Variants in DNAH2 observed in about 807,000 individuals in gnomAD.
DNAH2 encodes the protein axonemal beta dynein heavy chain 2.
DNAH2 carries 323 observed loss-of-function variants against 523.5 expected under a neutral mutation model. The ratio of observed to expected loss-of-function variants is 0.62; its 90% CI spans 0.56 to 0.68. The LOEUF (loss-of-function observed/expected upper bound fraction) is 0.68. Among genes scored for constraint, DNAH2 ranks in the 30% least tolerant of loss-of-function variants. The pLI is 0.00. For missense variants in DNAH2, 4,907 were observed against 5,701.5 expected (o/e 0.86, Z 4.49); for synonymous variants, 2,093 against 2,177.4 (o/e 0.96, Z 1.08).
chr17:7,819,255 T>C lies in DNAH2; in HGVS notation c.10862T>C (p.Leu3621Pro). 6.2e-7 allele frequency: 1 copy of C among 1,614,168 alleles called. No individual in the cohort carries two copies. The highest frequency in any genetic ancestry group is 1.7e-5 in the Admixed American group (1 of 60,036). Residue 3621 changes from leucine (L) to proline (P), a missense_variant, in exon 72 of 86, where the codon CTC becomes CCC. Leu to Pro is a moderately conservative substitution (Grantham distance 98). Coordinates refer to ENST00000572933, the MANE Select transcript of DNAH2 (RefSeq NM_020877.5). ...CGGGCATCAATCCTGTTCTTCGTGC[T>C]CAATGATATGGGCTGCATCGACCCC... ...AQRASILFFV[L>P]NDMGCIDPMY...
Position 7,819,072 on chromosome 17 carries a change from C to T in DNAH2, c.10815+9C>T. 6.2e-7 allele frequency: 1 copy of T among 1,602,660 alleles called. No individual in the cohort carries two copies. Among genetic ancestry groups the T allele is most frequent in the African/African-American group, 1.3e-5 (1 of 74,878 alleles). ...CTGACTTGGCGCGGGAGGTAAGCTCCCGGCCCTCCAGTCCTGCCTCCCACC... is the reference window on the plus strand; with the variant it reads ...CTGACTTGGCGCGGGAGGTAAGCTCTCGGCCCTCCAGTCCTGCCTCCCACC... On this transcript the variant is annotated intron_variant, in intron 71 of 85. Transcript: ENST00000572933.
intron 2 of DNAH2, among the ~76,000 whole-genome samples, chr17:7,721,591 G>A (rs778438611): frequency 2.3e-4 from 35 of 152,000 alleles, no homozygotes; most frequent in Admixed American, 7.2e-4. Flanking sequence ...ATCTTTTCAC[G>A]CCTTCCTGCC....
intron 7 of DNAH2, among the ~76,000 whole-genome samples, chr17:7,736,033 G>A (rs868269254): frequency 2.2e-4 from 33 of 152,080 alleles, no homozygotes; most frequent in African/African-American, 7.7e-4. Flanking sequence ...GATTACAGGT[G>A]TCAGCCACCT....
rs1433424323 is a variant in DNAH2 at position 7,786,145 on chromosome 17, G to A, written c.6151G>A (p.Glu2051Lys). ...TCAGCTGCGGGAGACCGTTGAGCAG[G>A]AGATTCGAGACATGGGCCTGCAAAG... Reference protein sequence around the residue: ...YGKLRETVEQEIRDMGLQSTP... With the variant: ...YGKLRETVEQKIRDMGLQSTP... The change falls in exon 40 of 86, where the codon GAG becomes AAG. Residue 2051 changes from glutamate (E) to lysine (K), a missense_variant. Glu to Lys is a moderately conservative substitution (Grantham distance 56). Transcript: ENST00000572933. The surrounding 1 kb of genome is among the most constrained non-coding windows in gnomAD (Gnocchi z 7.5). 1 of 1,613,798 alleles carries A rather than the reference G, an allele frequency of 6.2e-7. No homozygotes were observed. Among genetic ancestry groups the A allele is most frequent in the African/African-American group, 1.3e-5 (1 of 74,816 alleles).
chr17:7,765,039 G>A (rs1034462878), intron 20 of DNAH2, among the ~76,000 whole-genome samples: 6 of 151,984 alleles, frequency 3.9e-5, no homozygotes, highest in African/African-American at 1.2e-4. Flanking sequence ...GATCACAGGC[G>A]TGAGCCACCA....
Position 7,761,493 on chromosome 17 carries a change from C to CT in DNAH2, c.2978+574dup, listed in dbSNP as rs535161420. Among the ~76,000 whole-genome samples, 339 of 141,710 alleles carry CT rather than the reference C, an allele frequency of 2.4e-3. 4 individuals are homozygous for CT. The highest frequency in any genetic ancestry group is 0.015 in the South Asian group (68 of 4,400). 93.0% of individuals were successfully genotyped at this position (141,710 alleles called of 152,430 possible). A position where few individuals can be genotyped will look rare whatever the true frequency, so the allele number is the denominator to read the frequency against. ...TATGTTGCCCACTCAGGAAGAAAAT[C>CT]TTTTTTTTTTTTTCAAATATTTTTT... On this transcript the variant is annotated intron_variant, in intron 18 of 85. Coordinates refer to ENST00000572933, the MANE Select transcript of DNAH2 (RefSeq NM_020877.5).
rs1298169602 is a variant in DNAH2, at chr17:7,733,089, C to G, written c.402C>G (p.Thr134=). Residue 134 remains threonine, a splice_region_variant and synonymous_variant, in exon 5 of 86, where the codon ACC becomes ACG. Coordinates refer to ENST00000572933, the MANE Select transcript of DNAH2 (RefSeq NM_020877.5). The stretch of plus-strand genomic sequence containing the variant: ...CTGATCTGCTGTCTTCCATGCAGAC[C>G]CAGAACCAGCTTGTCTACTTCATTC... The part of the protein sequence containing the change: ...LKLELGMPVQ[T]QNQLVYFIRQ... 1.9e-6 allele frequency: 3 copies of G among 1,614,044 alleles called. No individual in the cohort carries two copies. The Admixed American group carries it at 5.0e-5, about 27-fold the overall frequency.
intron 12 of DNAH2, among the ~76,000 whole-genome samples, chr17:7,744,094 C>T (rs948401350): frequency 1.3e-5 from 2 of 151,766 alleles, no homozygotes; most frequent in Admixed American, 1.3e-4. Context: ...AATGTCCATG[C>T]TTGAGCCTGG....
At position 7,793,225 on chromosome 17, in the gene DNAH2, G is replaced by A. The variant is rs753611990; in HGVS notation, c.7569+20G>A. On this transcript the variant is annotated intron_variant, in intron 48 of 85. Transcript: ENST00000572933. The stretch of plus-strand genomic sequence containing the variant: ...ATTCGAGTAAGCCTCGCTAGAGTCT[G>A]TTCTTCAGGCCTCTGCTCCTTCTGG... The A allele has an allele frequency of 1.2e-6, 2 of 1,608,096 alleles. No homozygotes were observed. The highest frequency in any genetic ancestry group is 1.3e-5 in the African/African-American group (1 of 74,944).
rs2151288006 is a variant in DNAH2, at chr17:7,798,473, G to A, written c.8399-85G>A. On this transcript the variant is annotated intron_variant, in intron 54 of 85. Transcript: ENST00000572933. This position sits in a 1 kb window ranked among gnomAD's most constrained non-coding sequence, Gnocchi z 5.5. Reference sequence around the variant, plus strand: ...GTGTCGCGTGTATGCTGCGGGGCGGGGAGGGTTCCTAAATCTCAGAAAAGG... The same window carrying A: ...GTGTCGCGTGTATGCTGCGGGGCGGAGAGGGTTCCTAAATCTCAGAAAAGG... The A allele has an allele frequency of 1.3e-6, 2 of 1,571,658 alleles. No homozygotes were observed. The highest frequency in any genetic ancestry group is 1.7e-6 in the Non-Finnish European group (2 of 1,160,394).
At chr17:7,737,458 T>C (rs1228342206) in intron 8 of DNAH2, among the ~76,000 whole-genome samples, 200 bp downstream of exon 8, 2 of 152,198 alleles carry the variant, frequency 1.3e-5, no homozygotes, top group Non-Finnish European at 2.9e-5. Flanking sequence ...GGCTGGACTT[T>C]CTGTTTCTAG....
At chr17:7,797,642 G>A (rs753776139) in intron 52 of DNAH2, 38 bp from the exon 53 acceptor site, 24 of 1,613,826 alleles carry the variant, frequency 1.5e-5, no homozygotes, top group Non-Finnish European at 2.0e-5. Flanking sequence ...AGGCAAACCA[G>A]GCATTTGTGA....
chr17:7,759,150 G>C (rs1266266177), intron 15 of DNAH2, 26 bp downstream of exon 15: 2 of 1,610,980 alleles, frequency 1.2e-6, no homozygotes, highest in Non-Finnish European at 1.7e-6. Context: ...CCAGGATGTT[G>C]TGGTTGGAAA....
intron 76 of DNAH2, 79 bp downstream of exon 76, chr17:7,824,383 T>C: frequency 6.8e-7 from 1 of 1,475,908 alleles, no homozygotes; most frequent in Non-Finnish European, 9.0e-7. Context: ...ATTACACTAC[T>C]GTCCCTGTAC....
chr17:7,723,801 T>C (rs900273837), intron 3 of DNAH2, 112 bp downstream of exon 3: 14 of 942,662 alleles, frequency 1.5e-5, no homozygotes, highest in Non-Finnish European at 2.0e-5. Context: ...CTTCTTCTAC[T>C]TGCTCTCTGC....
chr17:7,821,364 G>T lies in DNAH2; in HGVS notation c.11137G>T (p.Gly3713Cys). Reference protein sequence around the residue: ...MDEYNFFLRGGVVLDREGQMD... With the variant: ...MDEYNFFLRGCVVLDREGQMD... ...TGAATACAACTTCTTTCTACGTGGG[G>T]GTGTGGTGAGTTGGGCAGAGAGCAC... The change falls in exon 73 of 86, where the codon GGT becomes TGT. Residue 3713 changes from glycine (G) to cysteine (C), a missense_variant. Physicochemically the swap from Gly to Cys is radical, Grantham distance 159. Around this residue, in one of 3 missense-constraint regions of DNAH2, gnomAD observed 1,851 missense variants for 2,139.4 expected, o/e 0.87. Transcript: ENST00000572933. This position sits in a 1 kb window ranked among gnomAD's most constrained non-coding sequence, Gnocchi z 5.0. 6.2e-7 allele frequency: 1 copy of T among 1,612,688 alleles called. No individual in the cohort carries two copies. Among genetic ancestry groups the T allele is most frequent in the East Asian group, 2.2e-5 (1 of 44,838 alleles).
At chr17:7,765,214 CGCA>C (rs1567661688) in intron 20 of DNAH2, among the ~76,000 whole-genome samples, 174 bp from the exon 21 acceptor site, 9 of 151,522 alleles carry the variant, frequency 5.9e-5, no homozygotes, top group Non-Finnish European at 8.8e-5. Flanking sequence ...TCATCCTCCA[CGCA>C]TGAGAGGGCA....
chr17:7,807,121 G>C lies in DNAH2; in HGVS notation c.9443-29G>C, dbSNP rs374336104. On this transcript the variant is annotated intron_variant, in intron 61 of 85. Transcript: ENST00000572933. The surrounding 1 kb of genome is among the most constrained non-coding windows in gnomAD (Gnocchi z 5.6). Reference sequence around the variant, plus strand: ...ACAAGGAGGATGGCATTAAGCCTCTGGCTAAGGCCCCTAATTTTCATCCCA... The same window carrying C: ...ACAAGGAGGATGGCATTAAGCCTCTCGCTAAGGCCCCTAATTTTCATCCCA... The C allele has an allele frequency of 1.3e-4, 207 of 1,596,904 alleles. 1 individual carries two copies. The Middle Eastern group carries it at 9.6e-3, about 74-fold the overall frequency.
At chr17:7,767,775 T>C (rs2076209187) in intron 22 of DNAH2, 125 bp from the exon 23 acceptor site, 2 of 1,251,650 alleles carry the variant, frequency 1.6e-6, no homozygotes, top group Non-Finnish European at 2.2e-6. Context: ...ATATGTGGAC[T>C]GAGGAGGCCG....
Sources: gnomAD v4.1 joint callset for allele counts (sites outside exome capture counted in the v4.1 genomes callset) on GRCh38, gnomAD v4.1.1 for gene constraint, gnomAD v4.1.1 regional missense constraint, Gnocchi (gnomAD v3.1) non-coding constraint, MANE v1.5 for transcripts, NCBI Gene and HGNC (gene_info 2026-07-23, HGNC 2026-07-21) for gene names.